Variants in USP5 observed in about 807,000 individuals in gnomAD.
USP5 encodes ubiquitin specific peptidase 5, also known as ubiquitin carboxyl-terminal hydrolase 5.
In USP5, 24 loss-of-function variants were observed where a neutral mutation model predicts 102.5. The ratio of observed to expected loss-of-function variants is 0.23; its 90% CI spans 0.17 to 0.33. The LOEUF (loss-of-function observed/expected upper bound fraction) is 0.33. Ranked by LOEUF, USP5 falls within the 10% of genes least tolerant of loss-of-function variation. The pLI, the probability that USP5 is intolerant of heterozygous loss-of-function variation, is 1.00. For missense variants in USP5, 753 were observed against 1,122.1 expected (o/e 0.67, Z 4.70); for synonymous variants, 460 against 434.8 (o/e 1.06, Z -0.72).
Position 6,858,594 on chromosome 12 carries a change from C to T in USP5, c.1035C>T (p.Phe345=). The stretch of plus-strand genomic sequence containing the variant: ...TCAACTCTGTGGTCCAGGTGCTCTT[C>T]AGCATCCCTGACTTCCAGAGGAAGT... ...CYLNSVVQVL[F]SIPDFQRKYV... Residue 345 remains phenylalanine (F), a synonymous_variant, in exon 8 of 20, where the codon TTC becomes TTT. Transcript: ENST00000229268. The surrounding 1 kb of genome is among the most constrained non-coding windows in gnomAD (Gnocchi z 4.2). The T allele has an allele frequency of 6.2e-7, 1 of 1,607,884 alleles. No homozygotes were observed. The highest frequency in any genetic ancestry group is 8.5e-7 in the Non-Finnish European group (1 of 1,174,704).
rs139483668 is a variant in USP5, at chr12:6,863,895, C to T, written c.2020C>T (p.Arg674Cys). The T allele has an allele frequency of 2.2e-5, 36 of 1,612,280 alleles. No homozygotes were observed. Among genetic ancestry groups the T allele is most frequent in the Admixed American group, 1.8e-4 (11 of 59,776 alleles). ...GATGGGATTCCCTATGGACGCCTGC[C>T]GCAAAGCTGTCTACTACACGGGCAA... ...VEMGFPMDAC[R>C]KAVYYTGNSG... The change falls in exon 16 of 20, where the codon CGC becomes TGC. Residue 674 changes from arginine to cysteine, a missense_variant. Physicochemically the swap from Arg to Cys is radical, Grantham distance 180. Around this residue, in one of 3 missense-constraint regions of USP5, gnomAD observed 193 missense variants for 230.2 expected, o/e 0.84. Coordinates refer to ENST00000229268, the MANE Select transcript of USP5 (RefSeq NM_001098536.2). The surrounding 1 kb of genome is among the most constrained non-coding windows in gnomAD (Gnocchi z 4.7).
chr12:6,864,330 G>C lies in USP5; in HGVS notation c.2244+135G>C. On this transcript the variant is annotated intron_variant, in intron 17 of 19. Coordinates refer to ENST00000229268, the MANE Select transcript of USP5 (RefSeq NM_001098536.2). This position sits in a 1 kb window ranked among gnomAD's most constrained non-coding sequence, Gnocchi z 4.8. ...GGTTGGGCACCACTCTTTTGTGGCT[G>C]CGATGAAGGAGCTGAAGCCTGCGTT... The C allele has an allele frequency of 7.8e-7, 1 of 1,290,044 alleles. No homozygotes were observed. The highest frequency in any genetic ancestry group is 1.6e-5 in the South Asian group (1 of 62,594). The allele number at this position is 1,290,044 out of a possible 1,614,324, so 79.9% of individuals were successfully genotyped here.
At position 6,855,354 on chromosome 12, in the gene USP5, G is replaced by A; in HGVS notation, c.112-47G>A. On this transcript the variant is annotated intron_variant, in intron 1 of 19. Coordinates refer to ENST00000229268, the MANE Select transcript of USP5 (RefSeq NM_001098536.2). This position sits in a 1 kb window ranked among gnomAD's most constrained non-coding sequence, Gnocchi z 4.6. ...AGGTTTTGGTTTCCTCACCTGACCAGGCTTCATAACATCCTCGTGTTTTCA... is the reference window on the plus strand; with the variant it reads ...AGGTTTTGGTTTCCTCACCTGACCAAGCTTCATAACATCCTCGTGTTTTCA... The A allele has an allele frequency of 3.1e-6, 5 of 1,607,308 alleles. No individual in the cohort carries two copies. Among genetic ancestry groups the A allele is most frequent in the Non-Finnish European group, 4.2e-6 (5 of 1,176,716 alleles).
rs369790819 is a variant in USP5 at position 6,856,148 on chromosome 12, C to T, written c.436C>T (p.Arg146Trp). The change falls in exon 4 of 20, where the codon CGG becomes TGG. Residue 146 changes from arginine to tryptophan, a missense_variant and splice_region_variant. Coordinates refer to ENST00000229268, the MANE Select transcript of USP5 (RefSeq NM_001098536.2). The surrounding 1 kb of genome is among the most constrained non-coding windows in gnomAD (Gnocchi z 5.6). ...LGGLPDIVRDRVTSAVEALLS... is the reference protein window; with the variant it reads ...LGGLPDIVRDWVTSAVEALLS... ...GGGACTGCCTGACATTGTCAGAGAT[C>T]GGGTATGACTGCCCCCTATGCTACC... 6 of 1,613,980 alleles carry T rather than the reference C, an allele frequency of 3.7e-6. No homozygotes were observed. The highest frequency in any genetic ancestry group is 4.2e-6 in the Non-Finnish European group (5 of 1,179,996).
Position 6,858,815 on chromosome 12 carries a change from T to C in USP5, c.1058+198T>C. On this transcript the variant is annotated intron_variant, in intron 8 of 19. Transcript: ENST00000229268. The surrounding 1 kb of genome is among the most constrained non-coding windows in gnomAD (Gnocchi z 4.2). ...GGGAGAATTGCTTGAGCCCAGGAGG[T>C]TGAGACCAGCCTGGGCAACATAGCG... is the stretch of plus-strand genomic sequence containing the variant. 2.0e-6 allele frequency: 1 copy of C among 496,066 alleles called. No individual in the cohort carries two copies. The highest frequency in any genetic ancestry group is 3.6e-6 in the Non-Finnish European group (1 of 277,168). The allele number at this position is 496,066 out of a possible 1,614,324, so 30.7% of individuals were successfully genotyped here.
rs2138045069 is a variant in USP5 at position 6,857,405 on chromosome 12, C to G, written c.770-224C>G. 1.2e-5 allele frequency: 6 copies of G among 511,754 alleles called. No individual in the cohort carries two copies. In the East Asian group the frequency reaches 1.9e-4, roughly 16 times the overall value. The allele number at this position is 511,754 out of a possible 1,614,324, so 31.7% of individuals were successfully genotyped here. On this transcript the variant is annotated intron_variant, in intron 6 of 19. Coordinates refer to ENST00000229268, the MANE Select transcript of USP5 (RefSeq NM_001098536.2). ...TATCCTATACAGGTAGAATCAGAAT[C>G]ACAAGTAATTCCAACCCTCACCCGG...
Position 6,856,622 on chromosome 12 carries a change from CGG to C in USP5, c.585-80_585-79del. On this transcript the variant is annotated intron_variant, in intron 5 of 19. Transcript: ENST00000229268. This position sits in a 1 kb window ranked among gnomAD's most constrained non-coding sequence, Gnocchi z 5.6. ...AGAAGAGAGAGAGACCTTGGATTGG[CGG>C]GGGGCCTGCAGAGCCCTCTCTCTCT... 6.5e-7 allele frequency: 1 copy of C among 1,541,406 alleles called. No homozygotes were observed. Among genetic ancestry groups the C allele is most frequent in the Non-Finnish European group, 8.7e-7 (1 of 1,144,770 alleles).
Position 6,863,764 on chromosome 12 carries a change from G to C in USP5, c.1955-66G>C. On this transcript the variant is annotated intron_variant, in intron 15 of 19. Coordinates refer to ENST00000229268, the MANE Select transcript of USP5 (RefSeq NM_001098536.2). This position sits in a 1 kb window ranked among gnomAD's most constrained non-coding sequence, Gnocchi z 4.7. ...GTGATTGGAAGAGGGCTGGGTCCTG[G>C]GGGAGGGAGGAGGAGCAAACAGTGG... 1 of 1,508,604 alleles carries C rather than the reference G, an allele frequency of 6.6e-7. No individual in the cohort carries two copies. The highest frequency in any genetic ancestry group is 2.3e-5 in the East Asian group (1 of 42,860). 93.5% of individuals were successfully genotyped at this position (1,508,604 alleles called of 1,614,324 possible). A position where few individuals can be genotyped will look rare whatever the true frequency, so the allele number is the denominator to read the frequency against.
rs1555129263 is a variant in USP5, at chr12:6,860,377, T to C, written c.1230T>C (p.Asp410=). 6.2e-7 allele frequency: 1 copy of C among 1,614,066 alleles called. No homozygotes were observed. The highest frequency in any genetic ancestry group is 8.5e-7 in the Non-Finnish European group (1 of 1,180,026). Residue 410 remains aspartate (D), a synonymous_variant, in exon 11 of 20, where the codon GAT becomes GAC. Transcript: ENST00000229268. This position sits in a 1 kb window ranked among gnomAD's most constrained non-coding sequence, Gnocchi z 5.5. The part of the protein sequence containing the change: ...ERVPEQKEVQ[D]GIAPRMFKAL... ...CTGACTCTTCCCAGGAAGTTCAAGA[T>C]GGCATTGCCCCTCGGATGTTCAAGG...
At position 6,855,049 on chromosome 12, in the gene USP5, T is replaced by G; in HGVS notation, c.112-352T>G. The stretch of plus-strand genomic sequence containing the variant: ...CTTTCTGGATCTGTTAGCCCCAGGA[T>G]AGAGGTGAAGGAAGTCCTCTGTGAT... On this transcript the variant is annotated intron_variant, in intron 1 of 19. Transcript: ENST00000229268. This position sits in a 1 kb window ranked among gnomAD's most constrained non-coding sequence, Gnocchi z 4.6. 6.6e-6 allele frequency among the ~76,000 whole-genome samples: 1 copy of G among 151,984 alleles called. No individual in the cohort carries two copies. The highest frequency in any genetic ancestry group is 2.1e-4 in the South Asian group (1 of 4,834).
rs1260525260 is a variant in USP5 at position 6,858,268 on chromosome 12, G to A, written c.865-156G>A. On this transcript the variant is annotated intron_variant, in intron 7 of 19. Transcript: ENST00000229268. The surrounding 1 kb of genome is among the most constrained non-coding windows in gnomAD (Gnocchi z 4.2). ...AATTATGTGTGGCCTTCCAGAACTT[G>A]AACTGGACGATACTCAACATACCTC... Among the ~76,000 whole-genome samples, 4 of 152,174 alleles carry A rather than the reference G, an allele frequency of 2.6e-5. No homozygotes were observed. The highest frequency in any genetic ancestry group is 5.9e-5 in the Non-Finnish European group (4 of 68,034).
At chr12:6,862,417 G>T in intron 13 of USP5, 53 bp from the exon 14 acceptor site, 1 of 1,535,992 alleles carries the variant, frequency 6.5e-7, no homozygotes. Flanking sequence ...GGAGTTTCAG[G>T]AGAGGAAAAC....
Position 6,860,184 on chromosome 12 carries a change from G to C in USP5, c.1164G>C (p.Glu388Asp). The change falls in exon 10 of 20, where the codon GAG (glutamate) becomes GAC (aspartate). Residue 388 changes from glutamate (E) to aspartate (D), a missense_variant. Transcript: ENST00000229268. This position sits in a 1 kb window ranked among gnomAD's most constrained non-coding sequence, Gnocchi z 5.5. Reference sequence around the variant, plus strand: ...TGGGCCATGGCCTTCTCTCCGGGGAGTATTCCAAGCCAGTACCGGAGTCGG... The same window carrying C: ...TGGGCCATGGCCTTCTCTCCGGGGACTATTCCAAGCCAGTACCGGAGTCGG... ...AKLGHGLLSG[E>D]YSKPVPESGD... 1.2e-6 allele frequency: 2 copies of C among 1,607,682 alleles called. No individual in the cohort carries two copies. The highest frequency in any genetic ancestry group is 1.7e-6 in the Non-Finnish European group (2 of 1,178,252).
In USP5 at chr12:6,856,692, T is replaced by G. The variant is rs923417688; in HGVS notation, c.585-15T>G. The G allele has an allele frequency of 1.3e-5, 21 of 1,613,376 alleles. No homozygotes were observed. Among genetic ancestry groups the G allele is most frequent in the Non-Finnish European group, 1.7e-5 (20 of 1,179,710 alleles). On this transcript the variant is annotated splice_polypyrimidine_tract_variant and intron_variant, in intron 5 of 19. Transcript: ENST00000229268. This position sits in a 1 kb window ranked among gnomAD's most constrained non-coding sequence, Gnocchi z 5.6. ...CCGACCCACATTTCTGCTGATTCTC[T>G]TCTCTGTGGGTTAGTGGCTGGAAGT...
rs769799793 is a variant in USP5 at position 6,863,397 on chromosome 12, G to T, written c.1954+20G>T. On this transcript the variant is annotated intron_variant, in intron 15 of 19. Coordinates refer to ENST00000229268, the MANE Select transcript of USP5 (RefSeq NM_001098536.2). This position sits in a 1 kb window ranked among gnomAD's most constrained non-coding sequence, Gnocchi z 4.7. ...CGACATGTTAGTGACTCTTCTTCCT[G>T]CCTGTCTCTCTCCCGTGCTGATGGG... 44 of 1,608,218 alleles carry T rather than the reference G, an allele frequency of 2.7e-5. No homozygotes were observed. The highest frequency in any genetic ancestry group is 3.1e-5 in the Non-Finnish European group (37 of 1,176,354).
At position 6,858,614 on chromosome 12, in the gene USP5, G is replaced by A. The variant is rs1015907962; in HGVS notation, c.1055G>A (p.Arg352Lys). The A allele has an allele frequency of 2.5e-6, 4 of 1,602,094 alleles. No homozygotes were observed. Among genetic ancestry groups the A allele is most frequent in the Non-Finnish European group, 3.4e-6 (4 of 1,170,082 alleles). Reference protein sequence around the residue: ...QVLFSIPDFQRKYVDKLEKIF... With the variant: ...QVLFSIPDFQKKYVDKLEKIF... ...CTCTTCAGCATCCCTGACTTCCAGAGGAAGTGAGTAGTGCCCTCTCCTTCC... is the reference window on the plus strand; with the variant it reads ...CTCTTCAGCATCCCTGACTTCCAGAAGAAGTGAGTAGTGCCCTCTCCTTCC... The change falls in exon 8 of 20, where the codon AGG (arginine) becomes AAG (lysine). Residue 352 changes from arginine to lysine, a missense_variant. By Grantham distance (26) the Arg-to-Lys change is conservative. Coordinates refer to ENST00000229268, the MANE Select transcript of USP5 (RefSeq NM_001098536.2). This position sits in a 1 kb window ranked among gnomAD's most constrained non-coding sequence, Gnocchi z 4.2.
Position 6,856,297 on chromosome 12 carries a change from TC to T in USP5, c.439-3del. The T allele has an allele frequency of 1.2e-6, 2 of 1,611,058 alleles. No individual in the cohort carries two copies. The highest frequency in any genetic ancestry group is 1.7e-6 in the Non-Finnish European group (2 of 1,178,348). On this transcript the variant is annotated splice_region_variant and splice_polypyrimidine_tract_variant and intron_variant, in intron 4 of 19. Transcript: ENST00000229268. This position sits in a 1 kb window ranked among gnomAD's most constrained non-coding sequence, Gnocchi z 5.6. ...TGGGTATTGCCTCTGACCCTCTGCT[TC>T]CCCCAGGTGACCAGTGCAGTGGAGG...
At chr12:6,854,733 G>C (rs182141134) in intron 1 of USP5, among the ~76,000 whole-genome samples, 63 of 152,238 alleles carry the variant, frequency 4.1e-4, no homozygotes, top group Admixed American at 3.7e-3. Flanking sequence ...ACTCCAGCCT[G>C]GGTGACAGAG....
Position 6,864,135 on chromosome 12 carries a change from G to A in USP5, c.2184G>A (p.Val728=). Residue 728 remains valine (V), a synonymous_variant, in exon 17 of 20, where the codon GTG becomes GTA. Coordinates refer to ENST00000229268, the MANE Select transcript of USP5 (RefSeq NM_001098536.2). This position sits in a 1 kb window ranked among gnomAD's most constrained non-coding sequence, Gnocchi z 4.8. ...AAADPPPEDC[V]TTIVSMGFSR... ...CCGACCCCCCTCCTGAGGACTGTGT[G>A]ACCACCATTGTCTCCATGGGCTTCT... 1 of 1,614,038 alleles carries A rather than the reference G, an allele frequency of 6.2e-7. No individual in the cohort carries two copies. The highest frequency in any genetic ancestry group is 8.5e-7 in the Non-Finnish European group (1 of 1,179,956).
Sources: allele counts gnomAD v4.1 joint callset (sites outside exome capture counted in the v4.1 genomes callset), GRCh38; gene constraint gnomAD v4.1.1; regional missense constraint gnomAD v4.1.1; non-coding constraint Gnocchi (gnomAD v3.1); transcripts MANE v1.5; gene names NCBI Gene and HGNC (gene_info 2026-07-23, HGNC 2026-07-21).